The following TYK2 variants were observed in gnomAD, a reference collection of about 807,000 sequenced individuals.
The protein encoded by TYK2 is non-receptor tyrosine-protein kinase TYK2.
Under a neutral mutation model 130.9 loss-of-function variants are expected in TYK2, and 65 were observed. That is an observed-to-expected ratio of 0.50 (90% CI 0.41 to 0.61). TYK2 has a LOEUF of 0.61. Ranked by LOEUF, TYK2 falls within the 20% of genes least tolerant of loss-of-function variation. The pLI is 0.00. For synonymous variants in TYK2, 647 were observed against 658.9 expected (o/e 0.98, Z 0.28); for missense variants, 1,378 against 1,610.7 (o/e 0.86, Z 2.47).
Position 10,359,251 on chromosome 19 carries a change from C to G in TYK2, c.2099G>C (p.Arg700Pro). The change falls in exon 15 of 25, where the codon CGG becomes CCG. Residue 700 changes from arginine (R) to proline (P), a missense_variant. Arg to Pro is a moderately radical substitution (Grantham distance 103). Transcript: ENST00000525621. Reference sequence around the variant, plus strand: ...CATGGGCACATGGCCCCGCTCCCTCCGCAGCCACACATCCAGGGGTCCGTG... The same window carrying G: ...CATGGGCACATGGCCCCGCTCCCTCGGCAGCCACACATCCAGGGGTCCGTG... ...VEHGPLDVWLRRERGHVPMAW... is the reference protein window; with the variant it reads ...VEHGPLDVWLPRERGHVPMAW... 6.2e-7 allele frequency: 1 copy of G among 1,611,640 alleles called. No individual in the cohort carries two copies. The highest frequency in any genetic ancestry group is 8.5e-7 in the Non-Finnish European group (1 of 1,179,938).
At position 10,353,137 on chromosome 19, in the gene TYK2, G is replaced by C. The variant is rs556877339; in HGVS notation, c.3028-39C>G. 1 of 1,460,510 alleles carries C rather than the reference G, an allele frequency of 6.8e-7. No individual in the cohort carries two copies. The highest frequency in any genetic ancestry group is 2.5e-5 in the East Asian group (1 of 40,646). 90.5% of individuals were successfully genotyped at this position (1,460,510 alleles called of 1,614,324 possible). On this transcript the variant is annotated intron_variant, in intron 21 of 24. Coordinates refer to ENST00000525621, the MANE Select transcript of TYK2 (RefSeq NM_003331.5). This position sits in a 1 kb window ranked among gnomAD's most constrained non-coding sequence, Gnocchi z 6.9. ...AGGGCTCGTGAGTTTCAGTGGGGCG[G>C]GGTTCGGCCGGGGGCGGCGGCAGGA...
intron 7 of TYK2, 149 bp from the exon 8 acceptor site, chr19:10,365,197 G>T (rs2041603815): frequency 1.1e-6 from 1 of 935,380 alleles, no homozygotes; most frequent in Non-Finnish European, 1.6e-6. Flanking sequence ...GTGGGATGGG[G>T]ACCCACCCCA....
chr19:10,373,849 A>T (rs1385368863), intron 3 of TYK2, among the ~76,000 whole-genome samples: 1 of 151,830 alleles, frequency 6.6e-6, no homozygotes, highest in Non-Finnish European at 1.5e-5. Flanking sequence ...CAAAATTGAT[A>T]CCCCAGTCAC....
At chr19:10,354,693 G>A in intron 18 of TYK2, 84 bp from the exon 19 acceptor site, 1 of 1,124,096 alleles carries the variant, frequency 8.9e-7, no homozygotes, top group East Asian at 2.3e-5. Flanking sequence ...GCCAGCCACA[G>A]CTACCCCAGG....
At chr19:10,376,626 G>A (rs1240839028) in intron 3 of TYK2, among the ~76,000 whole-genome samples, 38 of 131,570 alleles carry the variant, frequency 2.9e-4, no homozygotes, top group African/African-American at 1.0e-3. Context: ...TTTTTGAAAC[G>A]GAGTCTAGCT....
chr19:10,369,124 T>C lies in TYK2; in HGVS notation c.194-706A>G, dbSNP rs539312272. Among the ~76,000 whole-genome samples, 5 of 152,206 alleles carry C rather than the reference T, an allele frequency of 3.3e-5. No homozygotes were observed. In the East Asian group the frequency reaches 9.6e-4, roughly 29 times the overall value. On this transcript the variant is annotated intron_variant, in intron 3 of 24. Coordinates refer to ENST00000525621, the MANE Select transcript of TYK2 (RefSeq NM_003331.5). ...GTGCTCGGCCGATTTTAGGTAAACCTTGATTAAGATTTGGGGGGATTGCTT... is the reference window on the plus strand; with the variant it reads ...GTGCTCGGCCGATTTTAGGTAAACCCTGATTAAGATTTGGGGGGATTGCTT...
At chr19:10,370,315 T>C (rs1343905578) in intron 3 of TYK2, among the ~76,000 whole-genome samples, 1 of 149,982 alleles carries the variant, frequency 6.7e-6, no homozygotes, top group African/African-American at 2.5e-5. Flanking sequence ...GCCAAGATCG[T>C]GCCACTGAGC....
Position 10,358,031 on chromosome 19 carries a change from G to A in TYK2, c.2283C>T (p.Gly761=), listed in dbSNP as rs558083906. 41 of 1,613,454 alleles carry A rather than the reference G, an allele frequency of 2.5e-5. No individual in the cohort carries two copies. The South Asian group carries it at 3.3e-4, about 13-fold the overall frequency. The change falls in exon 16 of 25, where the codon GGC becomes GGT. Residue 761 remains glycine (G), a synonymous_variant. Transcript: ENST00000525621. The stretch of plus-strand genomic sequence containing the variant: ...CCCTGGAGAGGGCGCCCAGGCCCAC[G>A]CCAGGATCACTCAGCTTGATGAAGG... ...TSPFIKLSDP[G]VGLGALSREE... is the part of the protein sequence containing the mutation.
chr19:10,353,314 G>A lies in TYK2; in HGVS notation c.3027+214C>T, dbSNP rs2040908660. ...GACGAGCAAAGCTGGGCAGGAGGGC[G>A]AGTTGGGAGGGGCCGAGCCGGCTGT... On this transcript the variant is annotated intron_variant, in intron 21 of 24. Transcript: ENST00000525621. This position sits in a 1 kb window ranked among gnomAD's most constrained non-coding sequence, Gnocchi z 6.9. 15 of 574,292 alleles carry A rather than the reference G, an allele frequency of 2.6e-5. No individual in the cohort carries two copies. Among genetic ancestry groups the A allele is most frequent in the Middle Eastern group, 4.7e-4 (1 of 2,142 alleles). 35.6% of individuals were successfully genotyped at this position (574,292 alleles called of 1,614,324 possible).
intron 5 of TYK2, 152 bp downstream of exon 5, chr19:10,367,903 G>A: frequency 1.1e-6 from 1 of 882,708 alleles, no homozygotes; most frequent in Non-Finnish European, 1.7e-6. Flanking sequence ...CTGGGCGACA[G>A]AGCAAGACTC....
intron 18 of TYK2, among the ~76,000 whole-genome samples, chr19:10,355,365 C>T (rs1381289551): frequency 6.6e-6 from 1 of 152,154 alleles, no homozygotes; most frequent in Non-Finnish European, 1.5e-5. Context: ...TTAGGCCGGG[C>T]GTGGTGGCTC....
At chr19:10,378,111 T>C in intron 3 of TYK2, 103 bp downstream of exon 3, 2 of 986,124 alleles carry the variant, frequency 2.0e-6, no homozygotes, top group South Asian at 1.4e-5. Flanking sequence ...AGTGGGTGGA[T>C]GGGTGGGTGG....
chr19:10,355,469 G>A (rs12720315), intron 18 of TYK2, among the ~76,000 whole-genome samples: 4,243 of 151,468 alleles, frequency 0.028, 190 homozygotes, highest in African/African-American at 0.096. Flanking sequence ...GTGAAACCCC[G>A]TCTCTACTAA....
chr19:10,360,760 T>C (rs1241960185), intron 14 of TYK2, among the ~76,000 whole-genome samples: 1 of 151,918 alleles, frequency 6.6e-6, no homozygotes, highest in Non-Finnish European at 1.5e-5. Flanking sequence ...TATTTATTTA[T>C]TATATTTTTT....
Position 10,364,587 on chromosome 19 carries a change from C to T in TYK2, c.1367+27G>A. Reference sequence around the variant, plus strand: ...TCTAGTTGGCACCCTTGGCGGTGGCCCCCAGCGCCCCCCACCCAGCACTCA... The same window carrying T: ...TCTAGTTGGCACCCTTGGCGGTGGCTCCCAGCGCCCCCCACCCAGCACTCA... On this transcript the variant is annotated intron_variant, in intron 9 of 24. Transcript: ENST00000525621. The surrounding 1 kb of genome is among the most constrained non-coding windows in gnomAD (Gnocchi z 4.9). 6.2e-7 allele frequency: 1 copy of T among 1,613,072 alleles called. No homozygotes were observed. The highest frequency in any genetic ancestry group is 1.1e-5 in the South Asian group (1 of 91,062).
At position 10,371,110 on chromosome 19, in the gene TYK2, C is replaced by T. The variant is rs576292525; in HGVS notation, c.194-2692G>A. On this transcript the variant is annotated intron_variant, in intron 3 of 24. Transcript: ENST00000525621. ...CCTCCCAAGGAGCTGGGACTACAGG[C>T]GCACGCCACCATGCCCAGCTGATTT... 4.6e-5 allele frequency among the ~76,000 whole-genome samples: 7 copies of T among 151,924 alleles called. No individual in the cohort carries two copies. In the East Asian group the frequency reaches 1.4e-3, roughly 30 times the overall value.
rs12720319 is a variant in TYK2 at position 10,354,244 on chromosome 19, A to C, written c.2716-10T>G. The C allele has an allele frequency of 5.1e-3, 8,172 of 1,610,004 alleles. 354 individuals carry two copies. The African/African-American group carries it at 0.096, about 19-fold the overall frequency. ...CCTTGCCGAAGTGACCCTGGTCGGG[A>C]GCGCACGAGGGTCAGCTCCACCTCC... is the stretch of plus-strand genomic sequence containing the variant. On this transcript the variant is annotated splice_polypyrimidine_tract_variant and intron_variant, in intron 19 of 24. Transcript: ENST00000525621.
chr19:10,370,200 A>T (rs890226573), intron 3 of TYK2, among the ~76,000 whole-genome samples: 6 of 146,418 alleles, frequency 4.1e-5, no homozygotes, highest in East Asian at 4.0e-4. Flanking sequence ...CATCTCTATT[A>T]AAAAAAAAAA....
Position 10,378,298 on chromosome 19 carries a change from G to A in TYK2, c.109C>T (p.Pro37Ser). 2 of 1,612,862 alleles carry A rather than the reference G, an allele frequency of 1.2e-6. No homozygotes were observed. Among genetic ancestry groups the A allele is most frequent in the Non-Finnish European group, 1.7e-6 (2 of 1,179,974 alleles). ...GLKVLLHWAG[P>S]GGGEPWVTFS... ...GTGACCCAGGGCTCCCCGCCGCCTG[G>A]ACCAGCCCAGTGCAGAAGCACCTTC... Residue 37 changes from proline to serine, a missense_variant, in exon 3 of 25, where the codon CCA (proline) becomes TCA (serine). Pro to Ser is a moderately conservative substitution (Grantham distance 74, BLOSUM62 -1). Coordinates refer to ENST00000525621, the MANE Select transcript of TYK2 (RefSeq NM_003331.5).
Sources: allele counts gnomAD v4.1 joint callset (sites outside exome capture counted in the v4.1 genomes callset), GRCh38; gene constraint gnomAD v4.1.1; non-coding constraint Gnocchi (gnomAD v3.1); transcripts MANE v1.5; gene names NCBI Gene and HGNC (gene_info 2026-07-23, HGNC 2026-07-21).